Variants in ZSCAN21 observed in about 807,000 individuals in gnomAD.
ZSCAN21 encodes the protein zinc finger and SCAN domain-containing protein 21.
A neutral mutation model predicts 35.6 loss-of-function variants in ZSCAN21; 26 were observed. That is an observed-to-expected ratio of 0.73 (90% confidence interval 0.54 to 1.01). The LOEUF (loss-of-function observed/expected upper bound fraction) is 1.01. ZSCAN21 is among the 50% of genes least tolerant of loss of function. The pLI is 0.00. For missense variants in ZSCAN21, 593 were observed against 587.1 expected, an observed-to-expected ratio of 1.01 and a Z score of -0.10; for synonymous variants, 219 against 219.3, an observed-to-expected ratio of 1.00 and a Z score of 0.01.
Position 100,064,124 on chromosome 7 carries a change from G to C in ZSCAN21, c.929G>C (p.Cys310Ser), listed in dbSNP as rs146727563. The change falls in exon 4 of 4, where the codon TGT becomes TCT. Residue 310 changes from cysteine to serine, a missense_variant. Transcript: ENST00000292450. The part of the protein sequence containing the change: ...TGEKPYVCTK[C>S]GKAFSHSSNL... ...GAGAAACCTTACGTGTGCACCAAGT[G>C]TGGGAAAGCTTTCAGCCACAGCTCA... 1 of 1,614,194 alleles carries C rather than the reference G, an allele frequency of 6.2e-7. No individual in the cohort carries two copies. The highest frequency in any genetic ancestry group is 1.1e-5 in the South Asian group (1 of 91,084).
intron 3 of ZSCAN21, among the ~76,000 whole-genome samples, chr7:100,058,911 C>T (rs1792179166): frequency 6.6e-6 from 1 of 152,134 alleles, no homozygotes; most frequent in African/African-American, 2.4e-5. Flanking sequence ...CCCAAGCTGG[C>T]CCTATGTTAT....
Position 100,064,853 on chromosome 7 carries a change from G to C in ZSCAN21, c.*236G>C, listed in dbSNP as rs1362852402. On this transcript the variant is annotated 3_prime_UTR_variant, in exon 4 of 4. Coordinates refer to ENST00000292450, the MANE Select transcript of ZSCAN21 (RefSeq NM_145914.3). Reference sequence around the variant, plus strand: ...GAGCAGAGTCCCTTCGCCACACTTAGGGTCCCAGTAAGCCATGCCAGCATT... The same window carrying C: ...GAGCAGAGTCCCTTCGCCACACTTACGGTCCCAGTAAGCCATGCCAGCATT... 6.2e-7 allele frequency: 1 copy of C among 1,613,950 alleles called. No homozygotes were observed. The highest frequency in any genetic ancestry group is 2.2e-5 in the East Asian group (1 of 44,850).
rs776436945 is a variant in ZSCAN21 at position 100,064,601 on chromosome 7, A to G, written c.1406A>G (p.Glu469Gly). The G allele has an allele frequency of 1.2e-6, 2 of 1,613,458 alleles. No individual in the cohort carries two copies. The highest frequency in any genetic ancestry group is 1.7e-5 in the Admixed American group (1 of 59,868). Residue 469 changes from glutamate to glycine, a missense_variant, in exon 4 of 4, where the codon GAG becomes GGG. Physicochemically the swap from Glu to Gly is moderately conservative, Grantham distance 98 (BLOSUM62 -2). Coordinates refer to ENST00000292450, the MANE Select transcript of ZSCAN21 (RefSeq NM_145914.3). ...AAACATCAGCGAGTCCACACTGGAG[A>G]GGGAGAAGCACCGTAACTTTCAAGC... is the stretch of plus-strand genomic sequence containing the variant. The part of the protein sequence containing the change: ...LSKHQRVHTG[E>G]GEAP
In ZSCAN21 at chr7:100,064,728, C is replaced by T. The variant is rs1427177814; in HGVS notation, c.*111C>T. The T allele has an allele frequency of 6.2e-7, 1 of 1,612,170 alleles. No individual in the cohort carries two copies. Among genetic ancestry groups the T allele is most frequent in the Non-Finnish European group, 8.5e-7 (1 of 1,178,674 alleles). ...TTCCGGTGATAGAGTTTGTATCACTCAACATCAGGGGATGCCTGAGGAGTG... is the reference window on the plus strand; with the variant it reads ...TTCCGGTGATAGAGTTTGTATCACTTAACATCAGGGGATGCCTGAGGAGTG... On this transcript the variant is annotated 3_prime_UTR_variant, in exon 4 of 4. Transcript: ENST00000292450.
In ZSCAN21 at chr7:100,064,644, T is replaced by C. The variant is rs778308019; in HGVS notation, c.*27T>C. The C allele has an allele frequency of 1.8e-5, 29 of 1,602,936 alleles. No homozygotes were observed. Among genetic ancestry groups the C allele is most frequent in the African/African-American group, 1.1e-4 (8 of 74,120 alleles). On this transcript the variant is annotated 3_prime_UTR_variant, in exon 4 of 4. Transcript: ENST00000292450. The stretch of plus-strand genomic sequence containing the variant: ...TTTCAAGCGCTCCTGTTGTTGTCGT[T>C]GTTTTAAACTTTAGAATCTGAAAAC...
chr7:100,052,475 C>T (rs1331915106), intron 1 of ZSCAN21, among the ~76,000 whole-genome samples: 3 of 151,776 alleles, frequency 2.0e-5, no homozygotes, highest in Non-Finnish European at 4.4e-5. Flanking sequence ...AAAGAGGATT[C>T]GGGATGACCC....
intron 3 of ZSCAN21, among the ~76,000 whole-genome samples, chr7:100,060,695 C>T (rs1316978716): frequency 6.7e-6 from 1 of 150,024 alleles, no homozygotes; most frequent in Non-Finnish European, 1.5e-5. Context: ...AGTGAAACTC[C>T]ATCTCAACCG....
chr7:100,051,282 CTTTTTTTTTTTT>C (rs1164734568), intron 1 of ZSCAN21, among the ~76,000 whole-genome samples: 4 of 34,962 alleles, frequency 1.1e-4, no homozygotes, highest in Non-Finnish European at 2.1e-4. Context: ...TAGGGATTTT[CTTTTTTTTTTTT>C]TTTTTTTTTT....
intron 1 of ZSCAN21, among the ~76,000 whole-genome samples, 200 bp from the exon 2 acceptor site, chr7:100,056,711 G>A (rs552783256): frequency 2.6e-5 from 4 of 151,994 alleles, no homozygotes; most frequent in East Asian, 3.9e-4. Flanking sequence ...TGATCCACCC[G>A]TCTCAGCCTC....
Position 100,057,011 on chromosome 7 carries a change from T to C in ZSCAN21, c.5T>C (p.Met2Thr), listed in dbSNP as rs756461700. Residue 2 changes from methionine to threonine, a missense_variant, in exon 2 of 4, where the codon ATG becomes ACG. By Grantham distance (81) the Met-to-Thr change is moderately conservative. Coordinates refer to ENST00000292450, the MANE Select transcript of ZSCAN21 (RefSeq NM_145914.3). Reference sequence around the variant, plus strand: ...GAGGCTGTTTCTGGAGTTTACATGATGACCAAGGTACTAGGCATGGCCCCA... The same window carrying C: ...GAGGCTGTTTCTGGAGTTTACATGACGACCAAGGTACTAGGCATGGCCCCA... MMTKVLGMAPVL... is the reference protein window; with the variant it reads MTTKVLGMAPVL... The C allele has an allele frequency of 4.1e-5, 65 of 1,588,210 alleles. No homozygotes were observed. Among genetic ancestry groups the C allele is most frequent in the Non-Finnish European group, 5.4e-5 (63 of 1,166,006 alleles).
At chr7:100,060,603 A>T (rs918371886) in intron 3 of ZSCAN21, among the ~76,000 whole-genome samples, 2 of 150,894 alleles carry the variant, frequency 1.3e-5, no homozygotes, top group Non-Finnish European at 2.9e-5. Flanking sequence ...ATGGTGGCTC[A>T]CGCCTGTAAT....
At chr7:100,062,422 C>G (rs1011766577) in intron 3 of ZSCAN21, among the ~76,000 whole-genome samples, 3 of 150,516 alleles carry the variant, frequency 2.0e-5, no homozygotes, top group Non-Finnish European at 4.4e-5. Flanking sequence ...ATGGAGAAAC[C>G]CTGTCTCTAC....
chr7:100,057,132 G>A lies in ZSCAN21; in HGVS notation c.126G>A (p.Glu42=). The A allele has an allele frequency of 6.2e-7, 1 of 1,614,134 alleles. No homozygotes were observed. The highest frequency in any genetic ancestry group is 2.2e-5 in the East Asian group (1 of 44,880). The change falls in exon 2 of 4, where the codon GAG becomes GAA. Residue 42 remains glutamate (E), a synonymous_variant. Transcript: ENST00000292450. ...EEKGKYLPSL[E]MFRQRFRQFG... is the part of the protein sequence containing the mutation. ...AAGGCAAGTACCTTCCTAGCCTGGA[G>A]ATGTTCCGCCAGCGCTTCAGGCAGT...
At chr7:100,055,806 ACTT>A (rs1792053522) in intron 1 of ZSCAN21, among the ~76,000 whole-genome samples, 3 of 150,726 alleles carry the variant, frequency 2.0e-5, no homozygotes, top group African/African-American at 4.9e-5. Context: ...CGCCCGGCTA[ACTT>A]TTTTTTGTAT....
chr7:100,062,534 G>A (rs1792366988), intron 3 of ZSCAN21, among the ~76,000 whole-genome samples: 1 of 151,102 alleles, frequency 6.6e-6, no homozygotes, highest in Non-Finnish European at 1.5e-5. Context: ...GGCAGAGGTT[G>A]CGGTGAGCTG....
chr7:100,063,716 A>G lies in ZSCAN21; in HGVS notation c.593-72A>G, dbSNP rs541340983. The G allele has an allele frequency of 4.0e-5, 57 of 1,437,626 alleles. No individual in the cohort carries two copies. In the South Asian group the frequency reaches 6.1e-4, roughly 15 times the overall value. 89.1% of individuals were successfully genotyped at this position (1,437,626 alleles called of 1,614,324 possible). A position where few individuals can be genotyped will look rare whatever the true frequency, so the allele number is the denominator to read the frequency against. Reference sequence around the variant, plus strand: ...ACCATCAGTCTCACCTGATGGTTCTATCTCTCTGGTAACAGTTTCTTCCTC... The same window carrying G: ...ACCATCAGTCTCACCTGATGGTTCTGTCTCTCTGGTAACAGTTTCTTCCTC... On this transcript the variant is annotated intron_variant, in intron 3 of 3. Transcript: ENST00000292450.
Position 100,057,031 on chromosome 7 carries a change from G to C in ZSCAN21, c.25G>C (p.Ala9Pro). 1 of 1,612,246 alleles carries C rather than the reference G, an allele frequency of 6.2e-7. No homozygotes were observed. The highest frequency in any genetic ancestry group is 8.5e-7 in the Non-Finnish European group (1 of 1,179,230). The change falls in exon 2 of 4, where the codon GCC becomes CCC. Residue 9 changes from alanine (A) to proline (P), a missense_variant. Physicochemically the swap from Ala to Pro is conservative, Grantham distance 27. Coordinates refer to ENST00000292450, the MANE Select transcript of ZSCAN21 (RefSeq NM_145914.3). Reference sequence around the variant, plus strand: ...CATGATGACCAAGGTACTAGGCATGGCCCCAGTTCTGGGCCCTAGGCCTCC... The same window carrying C: ...CATGATGACCAAGGTACTAGGCATGCCCCCAGTTCTGGGCCCTAGGCCTCC... MMTKVLGM[A>P]PVLGPRPPQE...
rs117164671 is a variant in ZSCAN21, at chr7:100,052,770, G to A, written c.-97+2929G>A. Among the ~76,000 whole-genome samples the A allele has an allele frequency of 5.7e-4, 81 of 141,380 alleles. 1 individual carries two copies. In the East Asian group the frequency reaches 0.018, roughly 31 times the overall value. The allele number at this position is 141,380 out of a possible 152,430, so 92.8% of individuals were successfully genotyped here. ...GGAGAGTGAGTGCAGGAAGGAGGAA[G>A]GGCACCCGGCCCTCTACTCGTTTGT... is the stretch of plus-strand genomic sequence containing the variant. On this transcript the variant is annotated intron_variant, in intron 1 of 3. Transcript: ENST00000292450.
chr7:100,055,589 G>A (rs779031882), intron 1 of ZSCAN21, among the ~76,000 whole-genome samples: 1 of 150,256 alleles, frequency 6.7e-6, no homozygotes. Flanking sequence ...TACACCCTTC[G>A]AGCATGACTC....
Sources: allele counts gnomAD v4.1 joint callset (sites outside exome capture counted in the v4.1 genomes callset), GRCh38; gene constraint gnomAD v4.1.1; transcripts MANE v1.5; gene names NCBI Gene and HGNC (gene_info 2026-07-23, HGNC 2026-07-21).